The following LNX1 variants were observed in gnomAD, a reference collection of about 807,000 sequenced individuals.
LNX1 encodes ligand of numb-protein X 1.
In LNX1, 54 loss-of-function variants were observed where a neutral mutation model predicts 68.4. That is an observed-to-expected ratio of 0.79 (90% CI 0.63 to 0.99). The LOEUF (loss-of-function observed/expected upper bound fraction) is 0.99, where lower values mean the gene tolerates loss of function less well. Among genes scored for constraint, LNX1 ranks in the 50% least tolerant of loss-of-function variants. The pLI is 0.00. For synonymous variants in LNX1, 336 were observed against 350.0 expected (o/e 0.96, Z 0.45); for missense variants, 906 against 926.4 (o/e 0.98, Z 0.29).
chr4:53,591,706 G>T, upstream of LNX1: 1 of 387,716 alleles, frequency 2.6e-6, no homozygotes, highest in Admixed American at 6.4e-5. Flanking sequence ...ATCAGTTAGA[G>T]CAATTTGCCA....
intron 2 of LNX1, among the ~76,000 whole-genome samples, chr4:53,551,821 C>T (rs543613510): frequency 6.6e-6 from 1 of 152,126 alleles, no homozygotes; most frequent in Non-Finnish European, 1.5e-5. Flanking sequence ...GGCCTCTCAC[C>T]CTGCCTTATG....
At chr4:53,471,439 T>C (rs1723175954) in intron 9 of LNX1, among the ~76,000 whole-genome samples, 1 of 152,146 alleles carries the variant, frequency 6.6e-6, no homozygotes, top group Admixed American at 6.5e-5. Context: ...GGACAAGGAC[T>C]TCATGTCTAA....
chr4:53,491,403 G>A (rs1174776403), intron 6 of LNX1, among the ~76,000 whole-genome samples: 1 of 152,122 alleles, frequency 6.6e-6, no homozygotes, highest in Non-Finnish European at 1.5e-5. Flanking sequence ...GCCGGCTAAT[G>A]CCACCTGCCT....
Position 53,581,431 on chromosome 4 carries a change from CTT to C in LNX1, c.-86-7345_-86-7344del, listed in dbSNP as rs552006945. On this transcript the variant is annotated intron_variant, in intron 1 of 10. Coordinates refer to ENST00000263925, the MANE Select transcript of LNX1 (RefSeq NM_001126328.3). ...CATCATTTTTTCCAAAAACCTTCCT[CTT>C]TGCTCACTGTATTAGTCCATTTTCA... Among the ~76,000 whole-genome samples the C allele has an allele frequency of 2.2e-3, 342 of 152,260 alleles. 3 individuals carry two copies. The highest frequency in any genetic ancestry group is 7.7e-3 in the African/African-American group (321 of 41,566).
chr4:53,516,374 C>T (rs1045279961), intron 2 of LNX1, among the ~76,000 whole-genome samples: 5 of 152,068 alleles, frequency 3.3e-5, no homozygotes, highest in South Asian at 2.1e-4. Flanking sequence ...GCAAAGAAAA[C>T]GACAATGTAT....
intron 9 of LNX1, among the ~76,000 whole-genome samples, chr4:53,471,133 C>G: frequency 6.9e-6 from 1 of 143,990 alleles, no homozygotes; most frequent in Non-Finnish European, 1.5e-5. Context: ...GTACTGGTAC[C>G]AAAACAGAGA....
intron 2 of LNX1, among the ~76,000 whole-genome samples, chr4:53,536,449 T>C (rs1269935843): frequency 2.0e-5 from 3 of 152,280 alleles, no homozygotes; most frequent in African/African-American, 7.2e-5. Flanking sequence ...GGTGCCTAGA[T>C]CACCAGCAAC....
At chr4:53,518,160 G>A (rs553694616) in intron 2 of LNX1, among the ~76,000 whole-genome samples, 5 of 152,264 alleles carry the variant, frequency 3.3e-5, no homozygotes, top group East Asian at 1.9e-4. Flanking sequence ...GTCAGGGTGC[G>A]GCCAGGAGAG....
At chr4:53,500,814 G>T (rs1725422156) in intron 4 of LNX1, among the ~76,000 whole-genome samples, 1 of 152,136 alleles carries the variant, frequency 6.6e-6, no homozygotes, top group East Asian at 1.9e-4. Flanking sequence ...TATACCACAG[G>T]CAATTGCTAG....
chr4:53,520,895 G>A (rs1727163565), intron 2 of LNX1, among the ~76,000 whole-genome samples: 1 of 152,198 alleles, frequency 6.6e-6, no homozygotes. Flanking sequence ...CCGGGAGGTG[G>A]AGGCTGCAGT....
intron 1 of LNX1, among the ~76,000 whole-genome samples, chr4:53,627,015 T>A (rs541705825): frequency 2.5e-4 from 38 of 152,266 alleles, no homozygotes; most frequent in South Asian, 6.2e-4. Flanking sequence ...TTTGGTTTGG[T>A]TGGACAGGAG....
chr4:53,522,300 C>A (rs1186623412), intron 2 of LNX1, among the ~76,000 whole-genome samples: 1 of 152,188 alleles, frequency 6.6e-6, no homozygotes, highest in Non-Finnish European at 1.5e-5. Flanking sequence ...CTCACTTTCT[C>A]CACTGATGCT....
At chr4:53,593,383 G>T (rs1219289016), upstream of LNX1, among the ~76,000 whole-genome samples, 3 of 152,194 alleles carry the variant, frequency 2.0e-5, no homozygotes, top group Non-Finnish European at 4.4e-5. Flanking sequence ...GCAGGGGAAG[G>T]GTGTAGGTGA....
chr4:53,461,094 A>C, intron 10 of LNX1, 52 bp from the exon 11 acceptor site: 1 of 1,443,946 alleles, frequency 6.9e-7, no homozygotes, highest in Non-Finnish European at 9.4e-7. Flanking sequence ...TCGTTGCTGA[A>C]GTTAATGCAA....
chr4:53,643,189 T>TG (rs1734752463), intron 1 of LNX1, among the ~76,000 whole-genome samples: 1 of 152,134 alleles, frequency 6.6e-6, no homozygotes, highest in Non-Finnish European at 1.5e-5. Context: ...CTTGCTCTGT[T>TG]GCCCAAGCTG....
rs778497657 is a variant in LNX1 at position 53,566,416 on chromosome 4, AG to A, written c.380+7206del. On this transcript the variant is annotated intron_variant, in intron 2 of 10. Coordinates refer to ENST00000263925, the MANE Select transcript of LNX1 (RefSeq NM_001126328.3). ...CCAAACTAAGCTTCAGAAGTGAAGG[AG>A]AAAGAAAATACTTTACAGACAAGCA... Among the ~76,000 whole-genome samples, 96 of 152,212 alleles carry A rather than the reference AG, an allele frequency of 6.3e-4. No homozygotes were observed. The Middle Eastern group carries it at 0.02, about 32-fold the overall frequency.
intron 6 of LNX1, among the ~76,000 whole-genome samples, chr4:53,488,001 G>A (rs760338687): frequency 6.6e-6 from 1 of 152,082 alleles, no homozygotes; most frequent in Admixed American, 6.5e-5. Context: ...AATCCATCTT[G>A]TGCTCACAAA....
intron 1 of LNX1, among the ~76,000 whole-genome samples, chr4:53,580,291 C>G (rs1430532501): frequency 1.3e-5 from 2 of 152,160 alleles, no homozygotes; most frequent in Non-Finnish European, 2.9e-5. Flanking sequence ...TATTTGAAGA[C>G]AGATCCCATG....
intron 2 of LNX1, among the ~76,000 whole-genome samples, chr4:53,601,891 T>C (rs1733032629): frequency 6.6e-6 from 1 of 152,072 alleles, no homozygotes; most frequent in South Asian, 2.1e-4. Context: ...GTTACTGCTG[T>C]TTCTCCCTGC....
Sources: gnomAD v4.1 joint callset for allele counts (sites outside exome capture counted in the v4.1 genomes callset) on GRCh38, gnomAD v4.1.1 for gene constraint, MANE v1.5 for transcripts, NCBI Gene and HGNC (gene_info 2026-07-23, HGNC 2026-07-21) for gene names.